NPHP3: variants seen among roughly 807,000 people sequenced by gnomAD.
The protein encoded by NPHP3 is nephrocystin-3.
A neutral mutation model predicts 171.9 loss-of-function variants in NPHP3; 123 were observed. The ratio of observed to expected loss-of-function variants is 0.72; its 90% confidence interval spans 0.62 to 0.83. The LOEUF is 0.83. Among genes scored for constraint, NPHP3 ranks in the 40% least tolerant of loss-of-function variants. The probability of loss-of-function intolerance (pLI) is 0.00; values close to 1 mark genes in which losing one functional copy is unlikely to be tolerated. For synonymous variants in NPHP3, 558 were observed against 579.2 expected (o/e 0.96, Z 0.52); for missense variants, 1,506 against 1,591.9 (o/e 0.95, Z 0.92).
At chr3:132,693,489 G>C (rs1020184073) in intron 16 of NPHP3, 1 of 152,418 alleles carries the variant, frequency 6.6e-6, no homozygotes, top group African/African-American at 2.4e-5. Context: ...GCCCACAGAC[G>C]TGGAGAGAAT....
At position 132,704,275 on chromosome 3, in the gene NPHP3, C is replaced by T. The variant is rs1560010163; in HGVS notation, c.1447G>A (p.Asp483Asn). Residue 483 changes from aspartate (D) to asparagine (N), a missense_variant, in exon 9 of 27, where the codon GAC (aspartate) becomes AAC (asparagine). By Grantham distance (23) the Asp-to-Asn change is conservative (BLOSUM62 1). Around this residue, in one of 3 missense-constraint regions of NPHP3, gnomAD observed 930 missense variants for 924.9 expected, o/e 1.01. Transcript: ENST00000337331. The stretch of plus-strand genomic sequence containing the variant: ...ATTTGCTCTTGTTCATCATGTATGT[C>T]CCACAGAACATCACCAAAATCATCT... ...EEDDFGDVLWDIHDEQEQMET... is the reference protein window; with the variant it reads ...EEDDFGDVLWNIHDEQEQMET... 2 of 1,613,988 alleles carry T rather than the reference C, an allele frequency of 1.2e-6. No individual in the cohort carries two copies. Among genetic ancestry groups the T allele is most frequent in the African/African-American group, 2.7e-5 (2 of 74,912 alleles).
Position 132,681,612 on chromosome 3 carries a change from A to T in NPHP3, c.*298T>A, listed in dbSNP as rs1009904390. 2 of 358,802 alleles carry T rather than the reference A, an allele frequency of 5.6e-6. No homozygotes were observed. Among genetic ancestry groups the T allele is most frequent in the Admixed American group, 4.1e-5 (1 of 24,496 alleles). 22.2% of individuals were successfully genotyped at this position (358,802 alleles called of 1,614,324 possible). A position where few individuals can be genotyped will look rare whatever the true frequency, so the allele number is the denominator to read the frequency against. ...AACTCCTTGTCTTAACTACTCTGCC[A>T]GCTCTTGTTGAACAAAGACCAATCC... On this transcript the variant is annotated 3_prime_UTR_variant, in exon 27 of 27. Transcript: ENST00000337331.
chr3:132,683,640 C>A (rs1025275624), intron 24 of NPHP3, 116 bp from the exon 25 acceptor site: 16 of 761,250 alleles, frequency 2.1e-5, no homozygotes, highest in Non-Finnish European at 3.4e-5. Flanking sequence ...AAAAAAATCT[C>A]AGAAGCATTT....
intron 9 of NPHP3, among the ~76,000 whole-genome samples, chr3:132,701,898 C>T (rs923169225): frequency 3.3e-5 from 5 of 152,062 alleles, no homozygotes; most frequent in Admixed American, 6.6e-5. Flanking sequence ...TGGTGGCGGG[C>T]GCCTGTAGTC....
chr3:132,682,324 C>A, intron 26 of NPHP3: 2 of 573,106 alleles, frequency 3.5e-6, no homozygotes, highest in South Asian at 4.2e-5. Flanking sequence ...GTAATAGAGG[C>A]AGTGAAATTG....
intron 1 of NPHP3, 93 bp from the exon 2 acceptor site, chr3:132,719,923 ACG>A: frequency 2.1e-6 from 1 of 487,378 alleles, no homozygotes; most frequent in Non-Finnish European, 3.0e-6. Context: ...TATATATGTT[ACG>A]TATCTTAGAA....
chr3:132,712,515 C>G (rs1235875339), intron 6 of NPHP3: 1 of 455,226 alleles, frequency 2.2e-6, no homozygotes, highest in Non-Finnish European at 4.4e-6. Context: ...GCCTGTAATC[C>G]CAGCACTTTG....
chr3:132,705,071 CAGA>C (rs1393734081), intron 8 of NPHP3, among the ~76,000 whole-genome samples: 42 of 152,322 alleles, frequency 2.8e-4, no homozygotes, highest in Non-Finnish European at 4.4e-4. Context: ...GGGGAGGTGT[CAGA>C]AGGTGTGGGC....
In NPHP3 at chr3:132,681,671, A is replaced by G; in HGVS notation, c.*239T>C. ...TGATTTGCTCCTCATGTCTTCTTAT[A>G]ATTCTAATGTGTCTACATCCTTGGA... On this transcript the variant is annotated 3_prime_UTR_variant, in exon 27 of 27. Transcript: ENST00000337331. 4.1e-6 allele frequency: 2 copies of G among 488,060 alleles called. No homozygotes were observed. The highest frequency in any genetic ancestry group is 7.4e-6 in the Non-Finnish European group (2 of 268,888). 30.2% of individuals were successfully genotyped at this position (488,060 alleles called of 1,614,324 possible). A position where few individuals can be genotyped will look rare whatever the true frequency, so the allele number is the denominator to read the frequency against.
chr3:132,688,117 C>T (rs1939207522), intron 21 of NPHP3, among the ~76,000 whole-genome samples: 1 of 152,114 alleles, frequency 6.6e-6, no homozygotes, highest in South Asian at 2.1e-4. Flanking sequence ...GTCATGATGC[C>T]ACAAGTGGAA....
chr3:132,712,365 A>G (rs892905856), intron 6 of NPHP3: 1 of 453,422 alleles, frequency 2.2e-6, no homozygotes. Flanking sequence ...GGGGTTATCA[A>G]CTTTTTCTGT....
At chr3:132,694,388 C>A (rs1236476180) in intron 16 of NPHP3, among the ~76,000 whole-genome samples, 1 of 151,020 alleles carries the variant, frequency 6.6e-6, no homozygotes, top group Non-Finnish European at 1.5e-5. Flanking sequence ...TTTACACACA[C>A]ACACACATAT....
chr3:132,686,341 A>G lies in NPHP3; in HGVS notation c.3248T>C (p.Leu1083Pro). 1 of 1,613,978 alleles carries G rather than the reference A, an allele frequency of 6.2e-7. No individual in the cohort carries two copies. The highest frequency in any genetic ancestry group is 8.5e-7 in the Non-Finnish European group (1 of 1,179,868). Residue 1083 changes from leucine to proline, a missense_variant, in exon 23 of 27, where the codon CTT becomes CCT. This residue lies in a region of NPHP3 where 569 missense variants were observed against 648.1 expected (regional missense o/e 0.88). Transcript: ENST00000337331. ...LRRRALQLEE[L>P]TLGKDTPDNA... ...ATCAGGTGTGTCCTTACCTAATGTAAGCTCTTCTAACTGTAAAGCCCGTCT... is the reference window on the plus strand; with the variant it reads ...ATCAGGTGTGTCCTTACCTAATGTAGGCTCTTCTAACTGTAAAGCCCGTCT...
At chr3:132,692,924 C>T (rs1461885464) in intron 16 of NPHP3, 106 bp from the exon 17 acceptor site, 2 of 873,430 alleles carry the variant, frequency 2.3e-6, no homozygotes, top group African/African-American at 3.4e-5. Context: ...TTTACCAAAA[C>T]TTATAATTCA....
intron 8 of NPHP3, 31 bp from the exon 9 acceptor site, chr3:132,704,402 A>T: frequency 6.2e-7 from 1 of 1,613,680 alleles, no homozygotes; most frequent in Non-Finnish European, 8.5e-7. Flanking sequence ...CACAAAAATG[A>T]ATGAAGAAAA....
Position 132,700,047 on chromosome 3 carries a change from A to G in NPHP3, c.1758T>C (p.Ser586=), listed in dbSNP as rs2107980899. ...CCAGTGTCAGAGCAGAGACTGACCA[A>G]GAGTGCTGCATCAACTACAAGATAA... ...KRLTLKLMQH[S]WSVSALTLDP... Residue 586 remains serine (S), a synonymous_variant, in exon 12 of 27, where the codon TCT becomes TCC. Transcript: ENST00000337331. 2 of 1,614,170 alleles carry G rather than the reference A, an allele frequency of 1.2e-6. No homozygotes were observed. Among genetic ancestry groups the G allele is most frequent in the Non-Finnish European group, 1.7e-6 (2 of 1,180,012 alleles).
At chr3:132,682,342 A>C in intron 26 of NPHP3, 1 of 565,358 alleles carries the variant, frequency 1.8e-6, no homozygotes, top group Admixed American at 3.1e-5. Context: ...TTGCTAAGCA[A>C]AGTTAGGTAT....
chr3:132,705,328 C>G (rs10935029), intron 8 of NPHP3, among the ~76,000 whole-genome samples: 23,756 of 152,076 alleles, frequency 0.16, 2,505 homozygotes, highest in East Asian at 0.59. Context: ...TTCTCACCCC[C>G]CTGGAGGCAT....
chr3:132,713,244 A>T lies in NPHP3; in HGVS notation c.1000T>A (p.Tyr334Asn). The T allele has an allele frequency of 6.2e-7, 1 of 1,604,652 alleles. No individual in the cohort carries two copies. Among genetic ancestry groups the T allele is most frequent in the Non-Finnish European group, 8.5e-7 (1 of 1,174,586 alleles). Residue 334 changes from tyrosine to asparagine, a missense_variant, in exon 6 of 27, where the codon TAT (tyrosine) becomes AAT (asparagine). Tyr to Asn is a moderately radical substitution (Grantham distance 143, BLOSUM62 -2). Transcript: ENST00000337331. ...KLKRMCETMG[Y>N]FFHAVYFPID... ...GGAAAATAAACAGCATGGAAAAAATATCCCATTGTCTCGCACATTCTCTTA... is the reference window on the plus strand; with the variant it reads ...GGAAAATAAACAGCATGGAAAAAATTTCCCATTGTCTCGCACATTCTCTTA...
Sources: gnomAD v4.1 joint callset for allele counts (sites outside exome capture counted in the v4.1 genomes callset) on GRCh38, gnomAD v4.1.1 for gene constraint, gnomAD v4.1.1 regional missense constraint, MANE v1.5 for transcripts, NCBI Gene and HGNC (gene_info 2026-07-23, HGNC 2026-07-21) for gene names.